Variants in NR4A3 observed in about 807,000 individuals in gnomAD.
NR4A3 encodes the protein nuclear receptor subfamily 4 group A member 3.
Under a neutral mutation model 55.6 loss-of-function variants are expected in NR4A3, and 13 were observed. The observed-to-expected ratio is 0.23, with a 90% confidence interval of 0.15 to 0.37. The LOEUF is 0.37. Among genes scored for constraint, NR4A3 ranks in the 10% least tolerant of loss-of-function variants. The probability of loss-of-function intolerance (pLI) is 1.00; values close to 1 mark genes in which losing one functional copy is unlikely to be tolerated. For synonymous variants in NR4A3, 342 were observed against 357.9 expected (o/e 0.96, Z 0.50); for missense variants, 646 against 822.8 (o/e 0.79, Z 2.63).
intron 3 of NR4A3, among the ~76,000 whole-genome samples, chr9:99,832,155 AG>A (rs1353094597): frequency 6.6e-6 from 1 of 152,204 alleles, no homozygotes; most frequent in Non-Finnish European, 1.5e-5. Context: ...TGATTAAGTT[AG>A]TTTTTTTGCA....
intron 6 of NR4A3, 147 bp from the exon 7 acceptor site, chr9:99,847,290 C>A: frequency 1.4e-6 from 1 of 696,836 alleles, no homozygotes; most frequent in Non-Finnish European, 2.5e-6. Context: ...TAGTCTTATT[C>A]ATTGTGGGTA....
intron 6 of NR4A3, among the ~76,000 whole-genome samples, chr9:99,845,715 A>AT (rs1827742273): frequency 6.6e-6 from 1 of 152,110 alleles, no homozygotes; most frequent in South Asian, 2.1e-4. Flanking sequence ...ATTGCCATCT[A>AT]TTTTGGTTTG....
chr9:99,825,784 G>A lies in NR4A3; in HGVS notation c.-51G>A. On this transcript the variant is annotated 5_prime_UTR_variant, in exon 2 of 8. Coordinates refer to ENST00000395097, the MANE Select transcript of NR4A3 (RefSeq NM_006981.4). This position sits in a 1 kb window ranked among gnomAD's most constrained non-coding sequence, Gnocchi z 5.0. ...CGCTCCTCCTACACTCTCAGCCTCC[G>A]CTGGAGAGACCCCCAGCCCCACCAT... 1 of 169,278 alleles carries A rather than the reference G, an allele frequency of 5.9e-6. No individual in the cohort carries two copies. The highest frequency in any genetic ancestry group is 1.3e-5 in the Non-Finnish European group (1 of 77,622). 10.5% of individuals were successfully genotyped at this position (169,278 alleles called of 1,614,324 possible).
intron 5 of NR4A3, among the ~76,000 whole-genome samples, chr9:99,840,063 C>T (rs1225175287): frequency 6.6e-6 from 1 of 152,232 alleles, no homozygotes; most frequent in Admixed American, 6.5e-5. Context: ...TTCTTTTCCT[C>T]CAGCATTGGA....
At chr9:99,859,496 G>A (rs891476839) in intron 7 of NR4A3, among the ~76,000 whole-genome samples, 2 of 152,198 alleles carry the variant, frequency 1.3e-5, no homozygotes, top group Non-Finnish European at 2.9e-5. Context: ...TACAAATCCA[G>A]TGGCTGTTCA....
intron 1 of NR4A3, among the ~76,000 whole-genome samples, chr9:99,823,623 A>G (rs556540780): frequency 7.6e-4 from 115 of 152,160 alleles, no homozygotes; most frequent in African/African-American, 2.7e-3. Context: ...AACGTGGCTG[A>G]TGGGCACAAT....
intron 5 of NR4A3, 199 bp downstream of exon 5, chr9:99,833,653 T>C (rs1190423737): frequency 1.3e-6 from 2 of 1,591,580 alleles, no homozygotes; most frequent in Admixed American, 3.4e-5. Context: ...AATCTCTAAA[T>C]GCCTTAACAA....
At chr9:99,850,866 T>A (rs1827836522) in intron 7 of NR4A3, among the ~76,000 whole-genome samples, 1 of 152,150 alleles carries the variant, frequency 6.6e-6, no homozygotes, top group Non-Finnish European at 1.5e-5. Flanking sequence ...AGTGACAGAT[T>A]CCCTCAAGTT....
intron 5 of NR4A3, 200 bp downstream of exon 5, chr9:99,833,654 G>T: frequency 1.3e-6 from 2 of 1,590,594 alleles, no homozygotes; most frequent in Non-Finnish European, 1.7e-6. Context: ...ATCTCTAAAT[G>T]CCTTAACAAG....
intron 7 of NR4A3, among the ~76,000 whole-genome samples, chr9:99,855,958 A>T (rs781030677): frequency 6.6e-6 from 1 of 152,048 alleles, no homozygotes; most frequent in Non-Finnish European, 1.5e-5. Flanking sequence ...ACTCCCTGCC[A>T]TGAGGAAGAG....
chr9:99,863,690 C>A lies in NR4A3; in HGVS notation c.1704C>A (p.Asp568Glu). 4 of 1,614,002 alleles carry A rather than the reference C, an allele frequency of 2.5e-6. No individual in the cohort carries two copies. The highest frequency in any genetic ancestry group is 3.4e-6 in the Non-Finnish European group (4 of 1,179,954). ...ACAAGATCACAAGCAGTTTAAAAGACCACCAGAGTAAGGGACAGGCTCTGG... is the reference window on the plus strand; with the variant it reads ...ACAAGATCACAAGCAGTTTAAAAGAACACCAGAGTAAGGGACAGGCTCTGG... Reference protein sequence around the residue: ...LCNKITSSLKDHQSKGQALEP... With the variant: ...LCNKITSSLKEHQSKGQALEP... Residue 568 changes from aspartate to glutamate, a missense_variant, in exon 8 of 8, where the codon GAC becomes GAA. Coordinates refer to ENST00000395097, the MANE Select transcript of NR4A3 (RefSeq NM_006981.4).
intron 4 of NR4A3, 80 bp downstream of exon 4, chr9:99,832,898 G>A: frequency 2.4e-6 from 3 of 1,266,478 alleles, no homozygotes; most frequent in East Asian, 2.6e-5. Flanking sequence ...ATTTACATTG[G>A]GATGGTGAAT....
intron 2 of NR4A3, among the ~76,000 whole-genome samples, chr9:99,827,051 T>C (rs920961842): frequency 3.3e-5 from 5 of 152,172 alleles, no homozygotes; most frequent in Admixed American, 6.5e-5. Flanking sequence ...TGAACAATAG[T>C]AAGCACCCTG....
rs1257501689 is a variant in NR4A3 at position 99,862,574 on chromosome 9, AAAAAAAAAAG to A, written c.1634-1044_1634-1035del. 2.2e-4 allele frequency among the ~76,000 whole-genome samples: 23 copies of A among 103,740 alleles called. 1 individual carries two copies. Among genetic ancestry groups the A allele is most frequent in the African/African-American group, 1.0e-3 (23 of 21,950 alleles). 68.1% of individuals were successfully genotyped at this position (103,740 alleles called of 152,430 possible). On this transcript the variant is annotated intron_variant, in intron 7 of 7. Transcript: ENST00000395097. ...CAAAAAAAAAAAAAAAAAAAAAAAA[AAAAAAAAAAG>A]AGAGAGAAATGAGGCTCTGAAGTCT...
chr9:99,835,218 C>G (rs1297443111), intron 5 of NR4A3, among the ~76,000 whole-genome samples: 1 of 152,200 alleles, frequency 6.6e-6, no homozygotes, highest in Non-Finnish European at 1.5e-5. Context: ...AGCATGAACA[C>G]TACATTAGGT....
At chr9:99,855,555 C>T (rs888401930) in intron 7 of NR4A3, among the ~76,000 whole-genome samples, 16 of 152,204 alleles carry the variant, frequency 1.1e-4, no homozygotes, top group Admixed American at 9.8e-4. Flanking sequence ...GAGACAGACA[C>T]ATACTCTACC....
At chr9:99,847,733 GA>G (rs778300513) in intron 7 of NR4A3, 118 bp downstream of exon 7, 1 of 963,516 alleles carries the variant, frequency 1.0e-6, no homozygotes, top group Non-Finnish European at 1.5e-6. Context: ...CCATTTTTCT[GA>G]AATCTGTTAA....
chr9:99,824,677 T>G (rs1827259459), intron 1 of NR4A3, among the ~76,000 whole-genome samples: 1 of 152,172 alleles, frequency 6.6e-6, no homozygotes, highest in African/African-American at 2.4e-5. Context: ...TTTGGTTTGA[T>G]TTGGGGTTTT....
intron 2 of NR4A3, among the ~76,000 whole-genome samples, chr9:99,827,258 A>ATATGTG (rs1264728798): frequency 1.0e-4 from 15 of 145,122 alleles, no homozygotes; most frequent in Non-Finnish European, 2.1e-4. Context: ...GGATATATAT[A>ATATGTG]TGTGTGTGTG....
Sources: allele counts gnomAD v4.1 joint callset (sites outside exome capture counted in the v4.1 genomes callset), GRCh38; gene constraint gnomAD v4.1.1; non-coding constraint Gnocchi (gnomAD v3.1); transcripts MANE v1.5; gene names NCBI Gene and HGNC (gene_info 2026-07-23, HGNC 2026-07-21).